COL25A1: variants seen among roughly 807,000 people sequenced by gnomAD.
COL25A1 encodes collagen alpha-1(XXV) chain.
Under a neutral mutation model 128.4 loss-of-function variants are expected in COL25A1, and 103 were observed. That is an observed-to-expected ratio of 0.80 (90% CI 0.68 to 0.94). The LOEUF is 0.94. Among genes scored for constraint, COL25A1 ranks in the 40% least tolerant of loss-of-function variants. The pLI is 0.00. For synonymous variants in COL25A1, 279 were observed against 277.2 expected, an observed-to-expected ratio of 1.01 and a Z score of -0.06; for missense variants, 745 against 840.0, an observed-to-expected ratio of 0.89 and a Z score of 1.40.
intron 3 of COL25A1, among the ~76,000 whole-genome samples, chr4:109,184,249 G>T (rs1441090076): frequency 2.0e-5 from 3 of 152,128 alleles, no homozygotes; most frequent in Non-Finnish European, 4.4e-5. Flanking sequence ...GATTCTGTTG[G>T]CATAGATGAA....
chr4:109,226,463 C>T (rs1227458884), intron 3 of COL25A1, among the ~76,000 whole-genome samples: 1 of 152,132 alleles, frequency 6.6e-6, no homozygotes. Context: ...ATGAAAAGCA[C>T]CATTCAATCC....
At chr4:109,061,124 C>G (rs1003003789) in intron 3 of COL25A1, among the ~76,000 whole-genome samples, 2 of 152,206 alleles carry the variant, frequency 1.3e-5, no homozygotes, top group African/African-American at 2.4e-5. Flanking sequence ...AGTCTCCATA[C>G]TACCTAAAAG....
At chr4:108,987,826 C>T (rs866503242) in intron 6 of COL25A1, among the ~76,000 whole-genome samples, 27 of 152,326 alleles carry the variant, frequency 1.8e-4, no homozygotes, top group Middle Eastern at 3.4e-3. Flanking sequence ...CATAAGCTCA[C>T]AATCTCTATA....
At chr4:108,818,830 T>C (rs756883489) in intron 36 of COL25A1, among the ~76,000 whole-genome samples, 1 of 151,200 alleles carries the variant, frequency 6.6e-6, no homozygotes, top group Non-Finnish European at 1.5e-5. Context: ...TATAGCCTGA[T>C]TGAAATATAG....
At chr4:109,085,357 A>G (rs1459012995) in intron 3 of COL25A1, among the ~76,000 whole-genome samples, 2 of 152,170 alleles carry the variant, frequency 1.3e-5, no homozygotes, top group Non-Finnish European at 2.9e-5. Flanking sequence ...CTTGTCTCTC[A>G]GGTTCTGATT....
chr4:108,973,121 C>T (rs1167747704), intron 8 of COL25A1, among the ~76,000 whole-genome samples: 1 of 152,110 alleles, frequency 6.6e-6, no homozygotes, highest in Non-Finnish European at 1.5e-5. Context: ...AGAAATGATA[C>T]TCGATATGAG....
intron 3 of COL25A1, among the ~76,000 whole-genome samples, chr4:109,161,355 C>T (rs75346763): frequency 0.03 from 4,597 of 152,160 alleles, 232 homozygotes; most frequent in African/African-American, 0.1. Context: ...GTCAATAGTG[C>T]CAAGGTTGTT....
At chr4:109,066,868 C>T (rs979793093) in intron 3 of COL25A1, among the ~76,000 whole-genome samples, 2 of 152,108 alleles carry the variant, frequency 1.3e-5, no homozygotes, top group Non-Finnish European at 2.9e-5. Flanking sequence ...TGGGGTCTCA[C>T]TATGTTGCCC....
At chr4:109,225,038 G>A (rs1466060767) in intron 3 of COL25A1, among the ~76,000 whole-genome samples, 2 of 152,148 alleles carry the variant, frequency 1.3e-5, no homozygotes, top group East Asian at 3.9e-4. Flanking sequence ...TAAGTCCCTA[G>A]GGAATCTGCA....
At chr4:108,987,868 G>A (rs777367972) in intron 6 of COL25A1, among the ~76,000 whole-genome samples, 6 of 152,076 alleles carry the variant, frequency 3.9e-5, no homozygotes, top group Admixed American at 3.3e-4. Flanking sequence ...CCATGATCTC[G>A]CTCCCCAAAG....
intron 3 of COL25A1, among the ~76,000 whole-genome samples, chr4:109,211,222 T>G (rs1241020708): frequency 7.1e-6 from 1 of 141,344 alleles, no homozygotes; most frequent in Non-Finnish European, 1.6e-5. Context: ...TATATATATA[T>G]TGTGTGTGTG....
At chr4:109,001,801 C>T (rs983619761) in intron 6 of COL25A1, among the ~76,000 whole-genome samples, 1 of 152,162 alleles carries the variant, frequency 6.6e-6, no homozygotes, top group African/African-American at 2.4e-5. Flanking sequence ...GCAGGATTTG[C>T]AGGTGAGGTT....
intron 3 of COL25A1, among the ~76,000 whole-genome samples, chr4:109,057,259 T>C (rs1239961014): frequency 6.6e-6 from 1 of 151,846 alleles, no homozygotes; most frequent in Admixed American, 6.6e-5. Context: ...TTTCTGTAAT[T>C]TTTTCAATTT....
chr4:108,874,349 T>G (rs1739170539), intron 19 of COL25A1, among the ~76,000 whole-genome samples: 1 of 152,204 alleles, frequency 6.6e-6, no homozygotes, highest in African/African-American at 2.4e-5. Flanking sequence ...AGTAGTAAAT[T>G]GAAAATTATC....
intron 11 of COL25A1, among the ~76,000 whole-genome samples, chr4:108,927,245 G>A (rs941107072): frequency 2.6e-5 from 4 of 151,894 alleles, no homozygotes; most frequent in African/African-American, 9.7e-5. Context: ...TGTTTCTTTA[G>A]CACATTTCAA....
At chr4:109,062,656 G>C (rs1762083893) in intron 3 of COL25A1, among the ~76,000 whole-genome samples, 1 of 152,060 alleles carries the variant, frequency 6.6e-6, no homozygotes, top group Non-Finnish European at 1.5e-5. Flanking sequence ...ACAAAAATGA[G>C]GAAATTAGGA....
chr4:109,297,655 T>A (rs1375150333), intron 3 of COL25A1, among the ~76,000 whole-genome samples: 1 of 152,066 alleles, frequency 6.6e-6, no homozygotes, highest in East Asian at 1.9e-4. Context: ...AATTAGCCAC[T>A]GGGTTTTTAG....
At chr4:109,052,480 G>A (rs1028343262) in intron 3 of COL25A1, among the ~76,000 whole-genome samples, 17 of 152,088 alleles carry the variant, frequency 1.1e-4, no homozygotes, top group Admixed American at 2.0e-4. Context: ...TTTAAACTAA[G>A]TTATGAGAAG....
At chr4:108,916,254 G>C (rs977029567) in intron 13 of COL25A1, among the ~76,000 whole-genome samples, 1 of 152,228 alleles carries the variant, frequency 6.6e-6, no homozygotes, top group South Asian at 2.1e-4. Flanking sequence ...TCGTTTCCCT[G>C]GGTTTTACAG....
Sources: gnomAD v4.1 joint callset for allele counts (sites outside exome capture counted in the v4.1 genomes callset) on GRCh38, gnomAD v4.1.1 for gene constraint, MANE v1.5 for transcripts, NCBI Gene and HGNC (gene_info 2026-07-23, HGNC 2026-07-21) for gene names.